Variants in KYNU observed in about 807,000 individuals in gnomAD.
KYNU encodes the protein L-kynurenine hydrolase.
KYNU carries 54 observed loss-of-function variants against 59.2 expected under a neutral mutation model. The ratio of observed to expected loss-of-function variants is 0.91; its 90% CI spans 0.73 to 1.14. The LOEUF is 1.14. Among genes scored for constraint, KYNU ranks in the 50% most tolerant of loss-of-function variants. KYNU has a pLI of 0.00. For missense variants in KYNU, 567 were observed against 554.4 expected (o/e 1.02, Z -0.23); for synonymous variants, 177 against 192.0 (o/e 0.92, Z 0.65).
chr2:143,029,501 G>A (rs892338873), intron 10 of KYNU, 126 bp from the exon 11 acceptor site: 10 of 692,714 alleles, frequency 1.4e-5, no homozygotes, highest in Admixed American at 2.0e-5. Context: ...CACAAGAATC[G>A]CTTGAACCCA....
chr2:142,956,289 A>C lies in KYNU; in HGVS notation c.507+15A>C, dbSNP rs1684162894. 1 of 1,515,448 alleles carries C rather than the reference A, an allele frequency of 6.6e-7. No homozygotes were observed. Among genetic ancestry groups the C allele is most frequent in the Non-Finnish European group, 9.2e-7 (1 of 1,091,272 alleles). 93.9% of individuals were successfully genotyped at this position (1,515,448 alleles called of 1,614,324 possible). ...CTTCTGATCATGTAAGGACTTCTTC[A>C]AATTGTATTTATGTTCTTTCTACTC... On this transcript the variant is annotated intron_variant, in intron 6 of 13. Coordinates refer to ENST00000264170, the MANE Select transcript of KYNU (RefSeq NM_003937.3).
Position 143,053,188 on chromosome 2 carries a change from G to C in KYNU, c.*11016G>C, listed in dbSNP as rs12474320. On this transcript the variant is annotated 3_prime_UTR_variant, in exon 14 of 14. Coordinates refer to ENST00000264170, the MANE Select transcript of KYNU (RefSeq NM_003937.3). ...TTTACCCAATGCCTGTATCCCCATT[G>C]TATCTAGGAAGTAACTAACTTGCTT... 0.16 allele frequency: 24,277 copies of C among 152,230 alleles called. 2,018 individuals carry two copies. Among genetic ancestry groups the C allele is most frequent in the East Asian group, 0.27 (1,384 of 5,174 alleles). The allele number at this position is 152,230 out of a possible 1,614,324, so 9.4% of individuals were successfully genotyped here.
intron 10 of KYNU, among the ~76,000 whole-genome samples, chr2:143,003,479 A>G (rs1283432244): frequency 6.6e-6 from 1 of 152,190 alleles, no homozygotes; most frequent in Non-Finnish European, 1.5e-5. Context: ...GCTATTCAGG[A>G]GGCTGAGGCA....
intron 9 of KYNU, 25 bp from the exon 10 acceptor site, chr2:142,985,923 A>T: frequency 3.3e-6 from 5 of 1,513,866 alleles, no homozygotes; most frequent in Non-Finnish European, 4.6e-6. Flanking sequence ...GTAAACCCAC[A>T]TAATTTAATT....
intron 10 of KYNU, among the ~76,000 whole-genome samples, chr2:142,999,631 T>C (rs1685653101): frequency 6.6e-6 from 1 of 152,160 alleles, no homozygotes; most frequent in African/African-American, 2.4e-5. Flanking sequence ...TATTTTCTTA[T>C]TTAAATTAGT....
intron 8 of KYNU, among the ~76,000 whole-genome samples, chr2:142,976,724 C>T (rs1684892922): frequency 6.6e-6 from 1 of 152,158 alleles, no homozygotes; most frequent in East Asian, 1.9e-4. Flanking sequence ...AGAACATACC[C>T]ATGACACAGC....
intron 3 of KYNU, among the ~76,000 whole-genome samples, chr2:142,921,445 T>C (rs1170678069): frequency 6.6e-6 from 1 of 152,222 alleles, no homozygotes; most frequent in African/African-American, 2.4e-5. Flanking sequence ...GCATAGTGGC[T>C]CATGGCTGTA....
intron 11 of KYNU, among the ~76,000 whole-genome samples, chr2:143,032,104 C>G (rs1686764267): frequency 6.6e-6 from 1 of 151,854 alleles, no homozygotes; most frequent in Admixed American, 6.6e-5. Flanking sequence ...TGTGAAACCC[C>G]ATCTCTACTA....
At chr2:143,012,301 A>G (rs1461065830) in intron 10 of KYNU, among the ~76,000 whole-genome samples, 1 of 151,870 alleles carries the variant, frequency 6.6e-6, no homozygotes. Context: ...GGCCAGTATG[A>G]CATAGCTCCA....
In KYNU at chr2:142,927,712, G is replaced by A. The variant is rs142820434; in HGVS notation, c.344G>A (p.Ser115Asn). 6.8e-6 allele frequency: 11 copies of A among 1,608,548 alleles called. No individual in the cohort carries two copies. In the African/African-American group the frequency reaches 1.3e-4, roughly 20 times the overall value. The change falls in exon 4 of 14, where the codon AGT becomes AAT. Residue 115 changes from serine (S) to asparagine (N), a missense_variant. Physicochemically the swap from Ser to Asn is conservative, Grantham distance 46. Transcript: ENST00000264170. ...GKRPWITGDE[S>N]IVGLMKDIVG... The stretch of plus-strand genomic sequence containing the variant: ...CGTCCTTGGATTACAGGAGATGAGA[G>A]TATTGTAGGCCTTATGAAGGACATT...
Position 143,040,812 on chromosome 2 carries a change from GCTAA to G in KYNU, c.1272+157_1272+160del, listed in dbSNP as rs1331584239. ...GTGCCAACTAAGCCCTCAGCACTGTGCTAACTGAAAGGCATAGAGATCTGTCGTT... is the reference window on the plus strand; with the variant it reads ...GTGCCAACTAAGCCCTCAGCACTGTGCTGAAAGGCATAGAGATCTGTCGTT... On this transcript the variant is annotated intron_variant, in intron 13 of 13. Coordinates refer to ENST00000264170, the MANE Select transcript of KYNU (RefSeq NM_003937.3). Among the ~76,000 whole-genome samples, 7 of 152,172 alleles carry G rather than the reference GCTAA, an allele frequency of 4.6e-5. No homozygotes were observed. The East Asian group carries it at 1.2e-3, about 25-fold the overall frequency.
At chr2:142,910,487 G>A (rs1682446988) in intron 2 of KYNU, among the ~76,000 whole-genome samples, 1 of 152,144 alleles carries the variant, frequency 6.6e-6, no homozygotes, top group South Asian at 2.1e-4. Flanking sequence ...TATTTGCAAG[G>A]AATAGTTTGT....
At chr2:142,946,033 C>G (rs1356555558) in intron 4 of KYNU, among the ~76,000 whole-genome samples, 2 of 151,818 alleles carry the variant, frequency 1.3e-5, no homozygotes, top group Non-Finnish European at 2.9e-5. Flanking sequence ...CCACCCCACA[C>G]CTGGCCTTTT....
chr2:142,892,075 G>A (rs1463594472), intron 2 of KYNU, among the ~76,000 whole-genome samples: 1 of 152,096 alleles, frequency 6.6e-6, no homozygotes, highest in African/African-American at 2.4e-5. Flanking sequence ...ACTACACCCA[G>A]ATAACTGTTT....
Position 143,046,229 on chromosome 2 carries a change from G to C in KYNU, c.*4057G>C, listed in dbSNP as rs1687163399. 6.6e-6 allele frequency: 1 copy of C among 151,994 alleles called. No homozygotes were observed. The highest frequency in any genetic ancestry group is 1.5e-5 in the Non-Finnish European group (1 of 67,992). 9.4% of individuals were successfully genotyped at this position (151,994 alleles called of 1,614,324 possible). ...TTCTTTAAGTTTTACACCCATGTATGTACCCATAAAAATCTATTAGCTAAT... is the reference window on the plus strand; with the variant it reads ...TTCTTTAAGTTTTACACCCATGTATCTACCCATAAAAATCTATTAGCTAAT... On this transcript the variant is annotated 3_prime_UTR_variant, in exon 14 of 14. Transcript: ENST00000264170.
intron 8 of KYNU, among the ~76,000 whole-genome samples, chr2:142,977,372 G>GATATAGATATATATATATATATATATAT (rs1684921272): frequency 7.6e-6 from 1 of 131,152 alleles, no homozygotes; most frequent in African/African-American, 2.9e-5. Context: ...ATTTTGTGTG[G>GATATAGATATATATATATATATATATAT]ATATATATAT....
intron 2 of KYNU, among the ~76,000 whole-genome samples, chr2:142,906,659 T>C (rs1297923949): frequency 6.6e-6 from 1 of 151,922 alleles, no homozygotes. Context: ...GAGGCAGGGA[T>C]TGGAGGAAGT....
intron 2 of KYNU, among the ~76,000 whole-genome samples, chr2:142,902,415 A>T (rs1682131486): frequency 6.6e-6 from 1 of 152,118 alleles, no homozygotes; most frequent in South Asian, 2.1e-4. Flanking sequence ...CATTTTACTA[A>T]ATGGGTATTG....
rs928355554 is a variant in KYNU, at chr2:143,045,807, G to A, written c.*3635G>A. 6.6e-6 allele frequency: 1 copy of A among 152,056 alleles called. No individual in the cohort carries two copies. The highest frequency in any genetic ancestry group is 1.9e-4 in the East Asian group (1 of 5,188). 9.4% of individuals were successfully genotyped at this position (152,056 alleles called of 1,614,324 possible). ...ACACCACCATGCCTGACCAGGAATT[G>A]TTTTTCAACTTCATAGTGGTAAACA... is the stretch of plus-strand genomic sequence containing the variant. On this transcript the variant is annotated 3_prime_UTR_variant, in exon 14 of 14. Transcript: ENST00000264170.
Sources: allele counts gnomAD v4.1 joint callset (sites outside exome capture counted in the v4.1 genomes callset), GRCh38; gene constraint gnomAD v4.1.1; transcripts MANE v1.5; gene names NCBI Gene and HGNC (gene_info 2026-07-23, HGNC 2026-07-21).